Variants in ATXN7L2 observed in about 807,000 individuals in gnomAD.
ATXN7L2 encodes ataxin 7 like 2.
A neutral mutation model predicts 59.6 loss-of-function variants in ATXN7L2; 17 were observed. The ratio of observed to expected loss-of-function variants is 0.29; its 90% CI spans 0.20 to 0.43. The LOEUF (loss-of-function observed/expected upper bound fraction) is 0.43, where lower values mean the gene tolerates loss of function less well. ATXN7L2 is among the 20% of genes least tolerant of loss of function. The probability of loss-of-function intolerance (pLI) is 1.00; values close to 1 mark genes in which losing one functional copy is unlikely to be tolerated. For synonymous variants in ATXN7L2, 378 were observed against 392.5 expected, an observed-to-expected ratio of 0.96 and a Z score of 0.44; for missense variants, 858 against 1,008.9, an observed-to-expected ratio of 0.85 and a Z score of 2.03.
In ATXN7L2 at chr1:109,486,375, A is replaced by T; in HGVS notation, c.194-131A>T. 1 of 955,880 alleles carries T rather than the reference A, an allele frequency of 1.0e-6. No individual in the cohort carries two copies. 59.2% of individuals were successfully genotyped at this position (955,880 alleles called of 1,614,324 possible). On this transcript the variant is annotated intron_variant, in intron 2 of 10. Transcript: ENST00000683729. This position sits in a 1 kb window ranked among gnomAD's most constrained non-coding sequence, Gnocchi z 4.3. ...AGATCGAACTCTGGAAGCTGGAAGCATTCAGCATGGAGCTTGTTATATCAG... is the reference window on the plus strand; with the variant it reads ...AGATCGAACTCTGGAAGCTGGAAGCTTTCAGCATGGAGCTTGTTATATCAG...
At chr1:109,487,900 G>T in intron 5 of ATXN7L2, 96 bp downstream of exon 5, 1 of 1,396,726 alleles carries the variant, frequency 7.2e-7, no homozygotes, top group Admixed American at 2.8e-5. Flanking sequence ...TCAGGTTTAT[G>T]GGCCTGGCCA....
At chr1:109,489,210 C>A in intron 7 of ATXN7L2, 110 bp downstream of exon 7, 6 of 1,396,098 alleles carry the variant, frequency 4.3e-6, no homozygotes, top group Non-Finnish European at 5.8e-6. Context: ...ACTCCCTCAG[C>A]CCTGAGTGTG....
At chr1:109,487,332 G>A (rs970443913) in intron 4 of ATXN7L2, 115 bp downstream of exon 4, 30 of 1,198,144 alleles carry the variant, frequency 2.5e-5, no homozygotes, top group South Asian at 8.8e-5. Context: ...GGAGGCAGCC[G>A]TCCTGTCTGC....
chr1:109,487,393 T>A, intron 4 of ATXN7L2, 125 bp from the exon 5 acceptor site: 1 of 1,217,110 alleles, frequency 8.2e-7, no homozygotes, highest in Non-Finnish European at 1.1e-6. Context: ...TTCCCGTGTT[T>A]CACACCCCTG....
Position 109,487,642 on chromosome 1 carries a change from C to G in ATXN7L2, c.634C>G (p.Pro212Ala). 1.2e-6 allele frequency: 2 copies of G among 1,609,480 alleles called. No individual in the cohort carries two copies. Among genetic ancestry groups the G allele is most frequent in the Non-Finnish European group, 1.7e-6 (2 of 1,177,872 alleles). The change falls in exon 5 of 11, where the codon CCT becomes GCT. Residue 212 changes from proline to alanine, a missense_variant. Physicochemically the swap from Pro to Ala is conservative, Grantham distance 27 (BLOSUM62 -1). Coordinates refer to ENST00000683729, the MANE Select transcript of ATXN7L2 (RefSeq NM_001350175.2). ...GCCAGGGGGCCTCACCAAGGACTCC[C>G]CTGGAAAACCTCCCATGGCTCCCCC... ...SQPGGLTKDSPGKPPMAPPSK... is the reference protein window; with the variant it reads ...SQPGGLTKDSAGKPPMAPPSK...
intron 7 of ATXN7L2, chr1:109,489,720 G>T (rs928106317): frequency 1.7e-6 from 1 of 600,198 alleles, no homozygotes; most frequent in East Asian, 2.9e-5. Flanking sequence ...AAGGGGCTGG[G>T]GAGAGAATCC....
chr1:109,483,929 G>C lies in ATXN7L2; in HGVS notation c.-25G>C. The C allele has an allele frequency of 8.4e-7, 1 of 1,191,696 alleles. No individual in the cohort carries two copies. Among genetic ancestry groups the C allele is most frequent in the Non-Finnish European group, 1.0e-6 (1 of 960,006 alleles). The allele number at this position is 1,191,696 out of a possible 1,614,324, so 73.8% of individuals were successfully genotyped here. A position where few individuals can be genotyped will look rare whatever the true frequency, so the allele number is the denominator to read the frequency against. On this transcript the variant is annotated 5_prime_UTR_variant, in exon 1 of 11. Transcript: ENST00000683729. ...AGGGGGCCGCGCGGCGGCGGCGCCA[G>C]GGCGGGCGCGCGTCCGCGGCGGTGA...
Position 109,491,970 on chromosome 1 carries a change from C to T in ATXN7L2, c.2250+253C>T, listed in dbSNP as rs1251429155. 7.9e-7 allele frequency: 1 copy of T among 1,268,464 alleles called. No homozygotes were observed. Among genetic ancestry groups the T allele is most frequent in the East Asian group, 2.9e-5 (1 of 33,950 alleles). The allele number at this position is 1,268,464 out of a possible 1,614,324, so 78.6% of individuals were successfully genotyped here. ...GAGATGCGGCACCCCTCCACCCCTG[C>T]TTTTGCTATAATCAAAGGGCTACTT... On this transcript the variant is annotated intron_variant, in intron 10 of 10. Coordinates refer to ENST00000683729, the MANE Select transcript of ATXN7L2 (RefSeq NM_001350175.2). This position sits in a 1 kb window ranked among gnomAD's most constrained non-coding sequence, Gnocchi z 4.1.
At position 109,487,773 on chromosome 1, in the gene ATXN7L2, G is replaced by A. The variant is rs767766035; in HGVS notation, c.765G>A (p.Arg255=). The A allele has an allele frequency of 6.2e-7, 1 of 1,609,402 alleles. No individual in the cohort carries two copies. The highest frequency in any genetic ancestry group is 8.5e-7 in the Non-Finnish European group (1 of 1,178,224). Reference sequence around the variant, plus strand: ...CTGAAAAGGAGCCCAGTGGGACCAGGCTGCCCCCTAAAACCCACCGGAAGA... The same window carrying A: ...CTGAAAAGGAGCCCAGTGGGACCAGACTGCCCCCTAAAACCCACCGGAAGA... ...SPPEKEPSGT[R]LPPKTHRKMA... Residue 255 remains arginine, a synonymous_variant, in exon 5 of 11, where the codon AGG becomes AGA. Coordinates refer to ENST00000683729, the MANE Select transcript of ATXN7L2 (RefSeq NM_001350175.2).
At chr1:109,489,796 C>T in intron 7 of ATXN7L2, 134 bp from the exon 8 acceptor site, 1 of 873,868 alleles carries the variant, frequency 1.1e-6, no homozygotes, top group East Asian at 2.4e-5. Flanking sequence ...CTTCCCTTCC[C>T]TCTGTCCTCT....
In ATXN7L2 at chr1:109,484,089, A is replaced by G; in HGVS notation, c.127+9A>G. 6.6e-7 allele frequency: 1 copy of G among 1,508,482 alleles called. No individual in the cohort carries two copies. Among genetic ancestry groups the G allele is most frequent in the African/African-American group, 1.4e-5 (1 of 69,624 alleles). The allele number at this position is 1,508,482 out of a possible 1,614,324, so 93.4% of individuals were successfully genotyped here. On this transcript the variant is annotated intron_variant, in intron 1 of 10. Transcript: ENST00000683729. The stretch of plus-strand genomic sequence containing the variant: ...CCTGCCCGCGGCTGACGGTGAGTAA[A>G]GCCACCCTAAAGTCCGGGGACCCCA...
rs1283875047 is a variant in ATXN7L2 at position 109,488,390 on chromosome 1, G to A, written c.804G>A (p.Glu268=). ...PKTHRKMARK[E]CDLNRQCGVI... Reference sequence around the variant, plus strand: ...GAAGTGCTTTCCCCACAGGGAAGGAGTGCGACCTCAACAGGCAGTGTGGGG... The same window carrying A: ...GAAGTGCTTTCCCCACAGGGAAGGAATGCGACCTCAACAGGCAGTGTGGGG... Residue 268 remains glutamate, a synonymous_variant, in exon 6 of 11, where the codon GAG becomes GAA. Coordinates refer to ENST00000683729, the MANE Select transcript of ATXN7L2 (RefSeq NM_001350175.2). The surrounding 1 kb of genome is among the most constrained non-coding windows in gnomAD (Gnocchi z 5.0). 6.3e-7 allele frequency: 1 copy of A among 1,599,000 alleles called. No homozygotes were observed. Among genetic ancestry groups the A allele is most frequent in the African/African-American group, 1.3e-5 (1 of 74,776 alleles).
intron 10 of ATXN7L2, chr1:109,492,216 AC>A (rs2101042264): frequency 1.4e-6 from 1 of 695,910 alleles, no homozygotes; most frequent in East Asian, 6.7e-5. Context: ...TGTGCAGGTG[AC>A]AGGCAAGTTC....
intron 10 of ATXN7L2, among the ~76,000 whole-genome samples, chr1:109,492,349 C>T (rs748380882): frequency 4.6e-5 from 7 of 152,142 alleles, no homozygotes; most frequent in Non-Finnish European, 8.8e-5. Context: ...GGAGGTGGGA[C>T]GGGGGTGCTC....
At chr1:109,489,861 G>A (rs2101034439) in intron 7 of ATXN7L2, 69 bp from the exon 8 acceptor site, 3 of 1,567,254 alleles carry the variant, frequency 1.9e-6, no homozygotes, top group South Asian at 2.2e-5. Flanking sequence ...AGCTCGGCAG[G>A]TTCAAGGATG....
In ATXN7L2 at chr1:109,491,894, T is replaced by G. The variant is rs933376178; in HGVS notation, c.2250+177T>G. 1 of 1,191,522 alleles carries G rather than the reference T, an allele frequency of 8.4e-7. No individual in the cohort carries two copies. The highest frequency in any genetic ancestry group is 1.1e-6 in the Non-Finnish European group (1 of 885,560). 73.8% of individuals were successfully genotyped at this position (1,191,522 alleles called of 1,614,324 possible). A position where few individuals can be genotyped will look rare whatever the true frequency, so the allele number is the denominator to read the frequency against. On this transcript the variant is annotated intron_variant, in intron 10 of 10. Coordinates refer to ENST00000683729, the MANE Select transcript of ATXN7L2 (RefSeq NM_001350175.2). This position sits in a 1 kb window ranked among gnomAD's most constrained non-coding sequence, Gnocchi z 4.1. ...CAGTTCTTAGCAAAGTGACTCCAGC[T>G]TTTTGCCTGGTGAACCTTCCCCTAT... is the stretch of plus-strand genomic sequence containing the variant.
Position 109,486,295 on chromosome 1 carries a change from A to G in ATXN7L2, c.193+173A>G. On this transcript the variant is annotated intron_variant, in intron 2 of 10. Coordinates refer to ENST00000683729, the MANE Select transcript of ATXN7L2 (RefSeq NM_001350175.2). The surrounding 1 kb of genome is among the most constrained non-coding windows in gnomAD (Gnocchi z 4.3). ...CTCCTGTGACCTGTCGTTGGAGATC[A>G]TAATCATAGGTGATTGCCCACTCAC... 2 of 1,120,022 alleles carry G rather than the reference A, an allele frequency of 1.8e-6. No individual in the cohort carries two copies. The highest frequency in any genetic ancestry group is 2.5e-6 in the Non-Finnish European group (2 of 811,578). 69.4% of individuals were successfully genotyped at this position (1,120,022 alleles called of 1,614,324 possible).
chr1:109,488,764 T>C lies in ATXN7L2; in HGVS notation c.880-83T>C. 2.7e-6 allele frequency: 4 copies of C among 1,491,610 alleles called. No individual in the cohort carries two copies. The South Asian group carries it at 5.1e-5, about 19-fold the overall frequency. 92.4% of individuals were successfully genotyped at this position (1,491,610 alleles called of 1,614,324 possible). A position where few individuals can be genotyped will look rare whatever the true frequency, so the allele number is the denominator to read the frequency against. ...CCACCTCTCTCCCTGCCCCCCAACT[T>C]GCCCGGGCCAAAGCACCCTGCCGTC... On this transcript the variant is annotated intron_variant, in intron 6 of 10. Coordinates refer to ENST00000683729, the MANE Select transcript of ATXN7L2 (RefSeq NM_001350175.2). The surrounding 1 kb of genome is among the most constrained non-coding windows in gnomAD (Gnocchi z 5.0).
intron 10 of ATXN7L2, among the ~76,000 whole-genome samples, chr1:109,492,266 G>T (rs1657146111): frequency 6.6e-6 from 1 of 152,154 alleles, no homozygotes; most frequent in South Asian, 2.1e-4. Context: ...AGTTTTATTT[G>T]CCTCTTCTGG....
Sources: allele counts gnomAD v4.1 joint callset (sites outside exome capture counted in the v4.1 genomes callset), GRCh38; gene constraint gnomAD v4.1.1; non-coding constraint Gnocchi (gnomAD v3.1); transcripts MANE v1.5; gene names NCBI Gene and HGNC (gene_info 2026-07-23, HGNC 2026-07-21).